The following MACROD2 variants were observed in gnomAD, a reference collection of about 807,000 sequenced individuals.
The protein encoded by MACROD2 is ADP-ribose glycohydrolase MACROD2.
Under a neutral mutation model 70.4 loss-of-function variants are expected in MACROD2, and 36 were observed. That is an observed-to-expected ratio of 0.51 (90% CI 0.39 to 0.68). The LOEUF is 0.68. Ranked by LOEUF, MACROD2 falls within the 30% of genes least tolerant of loss-of-function variation. The probability of loss-of-function intolerance (pLI) is 0.00; values close to 1 mark genes in which losing one functional copy is unlikely to be tolerated. For synonymous variants in MACROD2, 172 were observed against 178.8 expected (o/e 0.96, Z 0.30); for missense variants, 496 against 538.4 (o/e 0.92, Z 0.78).
At chr20:15,378,150 A>G (rs2045588408) in intron 6 of MACROD2, among the ~76,000 whole-genome samples, 2 of 101,018 alleles carry the variant, frequency 2.0e-5, no homozygotes, top group Non-Finnish European at 1.8e-5. Flanking sequence ...GAAAAAAATA[A>G]AAGAAGAGAG....
chr20:15,596,765 C>T (rs73900008), intron 8 of MACROD2, among the ~76,000 whole-genome samples: 1,725 of 152,330 alleles, frequency 0.011, 35 homozygotes, highest in African/African-American at 0.038. Flanking sequence ...GAGCACTCCT[C>T]TTTATTAGAA....
intron 5 of MACROD2, among the ~76,000 whole-genome samples, chr20:14,948,321 C>T (rs1276009989): frequency 1.3e-5 from 2 of 152,172 alleles, no homozygotes; most frequent in Admixed American, 1.3e-4. Context: ...TTAACTGAAA[C>T]AGCTGCCTTC....
At chr20:14,613,178 C>T (rs766481499) in intron 4 of MACROD2, among the ~76,000 whole-genome samples, 3 of 152,058 alleles carry the variant, frequency 2.0e-5, no homozygotes, top group Non-Finnish European at 2.9e-5. Context: ...ATGTTCAAGT[C>T]GCACTTCTGA....
intron 4 of MACROD2, among the ~76,000 whole-genome samples, chr20:14,512,826 A>AT (rs1235112426): frequency 6.6e-6 from 1 of 151,966 alleles, no homozygotes; most frequent in African/African-American, 2.4e-5. Flanking sequence ...CATGTTTACG[A>AT]TTTTTTTCTG....
rs79067458 is a variant in MACROD2 at position 15,591,308 on chromosome 20, A to G, written c.645+91461A>G. ...GGGGCTTCTCCCTTACCTCAAGAAA[A>G]TGTGGATGGGTAATGAGGCTCCTCT... On this transcript the variant is annotated intron_variant, in intron 8 of 17. Transcript: ENST00000684519. Among the ~76,000 whole-genome samples, 3 of 152,226 alleles carry G rather than the reference A, an allele frequency of 2.0e-5. No homozygotes were observed. The East Asian group carries it at 5.8e-4, about 29-fold the overall frequency.
intron 8 of MACROD2, among the ~76,000 whole-genome samples, chr20:15,812,097 A>G (rs1376849617): frequency 2.6e-5 from 4 of 152,234 alleles, no homozygotes; most frequent in Non-Finnish European, 5.9e-5. Flanking sequence ...CATGCTTTGC[A>G]TGTCAGCTTG....
intron 5 of MACROD2, among the ~76,000 whole-genome samples, chr20:15,073,493 A>G (rs1464628781): frequency 1.3e-5 from 2 of 151,648 alleles, no homozygotes; most frequent in Non-Finnish European, 1.5e-5. Context: ...ACACACACAC[A>G]CACACACACA....
At chr20:14,933,577 C>G (rs577080468) in intron 5 of MACROD2, among the ~76,000 whole-genome samples, 1 of 151,794 alleles carries the variant, frequency 6.6e-6, no homozygotes, top group Admixed American at 6.6e-5. Context: ...CTGCAGTGAG[C>G]CATGATCATG....
At chr20:14,916,668 T>G (rs2074095861) in intron 5 of MACROD2, among the ~76,000 whole-genome samples, 1 of 152,168 alleles carries the variant, frequency 6.6e-6, no homozygotes, top group Admixed American at 6.5e-5. Context: ...GTGTTAGCAA[T>G]TGTAAGGAGA....
At chr20:13,997,475 A>G (rs547389831) in intron 1 of MACROD2, among the ~76,000 whole-genome samples, 164 of 152,348 alleles carry the variant, frequency 1.1e-3, no homozygotes, top group Non-Finnish European at 2.1e-3. Context: ...AACATGAATC[A>G]TTGATGAAAT....
At chr20:14,601,558 AAAC>A (rs995391961) in intron 4 of MACROD2, among the ~76,000 whole-genome samples, 6 of 152,180 alleles carry the variant, frequency 3.9e-5, no homozygotes, top group Middle Eastern at 3.2e-3. Flanking sequence ...AGAAGGGAAA[AAAC>A]AAACTTTCAG....
intron 8 of MACROD2, among the ~76,000 whole-genome samples, chr20:15,622,138 G>A (rs1384460056): frequency 6.6e-6 from 1 of 152,172 alleles, no homozygotes; most frequent in Non-Finnish European, 1.5e-5. Flanking sequence ...CATTCTGAAA[G>A]TGCTTGAGAA....
intron 5 of MACROD2, among the ~76,000 whole-genome samples, chr20:14,829,541 G>A (rs976009097): frequency 2.6e-5 from 4 of 151,928 alleles, no homozygotes; most frequent in African/African-American, 9.7e-5. Context: ...AAGTTCTAGC[G>A]GCAGTTGTCT....
chr20:14,822,734 TC>T (rs1035377634), intron 5 of MACROD2, among the ~76,000 whole-genome samples: 2 of 152,092 alleles, frequency 1.3e-5, no homozygotes, highest in Non-Finnish European at 2.9e-5. Flanking sequence ...GCAATTTTCC[TC>T]TGAAAAATAA....
intron 15 of MACROD2, among the ~76,000 whole-genome samples, chr20:16,030,808 G>C (rs1393528223): frequency 1.3e-5 from 2 of 152,160 alleles, no homozygotes; most frequent in African/African-American, 2.4e-5. Flanking sequence ...CTCTATGTGA[G>C]AATGATAGGT....
chr20:15,606,554 C>A (rs892654767), intron 8 of MACROD2, among the ~76,000 whole-genome samples: 2 of 152,092 alleles, frequency 1.3e-5, no homozygotes, highest in East Asian at 1.9e-4. Context: ...ATTTGTGTCC[C>A]AACGCACTAA....
At chr20:14,303,780 T>A (rs192662919) in intron 3 of MACROD2, among the ~76,000 whole-genome samples, 1 of 152,090 alleles carries the variant, frequency 6.6e-6, no homozygotes, top group African/African-American at 2.4e-5. Context: ...CAGCCCCCAA[T>A]GCATTTAAAG....
chr20:14,572,772 G>GC (rs1980283680), intron 4 of MACROD2, among the ~76,000 whole-genome samples: 1 of 151,864 alleles, frequency 6.6e-6, no homozygotes, highest in Admixed American at 6.6e-5. Context: ...ATGCTGGTTA[G>GC]AATGGTGTGT....
intron 5 of MACROD2, among the ~76,000 whole-genome samples, chr20:14,834,225 T>C (rs1042447539): frequency 6.6e-6 from 1 of 151,378 alleles, no homozygotes; most frequent in East Asian, 1.9e-4. Context: ...AAATGCCAAT[T>C]TGTGACCTTT....
Sources: gnomAD v4.1 joint callset for allele counts (sites outside exome capture counted in the v4.1 genomes callset) on GRCh38, gnomAD v4.1.1 for gene constraint, MANE v1.5 for transcripts, NCBI Gene and HGNC (gene_info 2026-07-23, HGNC 2026-07-21) for gene names.